The following VWF variants were observed in gnomAD, a reference collection of about 807,000 sequenced individuals.
The protein encoded by VWF is Factor VIII related antigen.
A neutral mutation model predicts 308.6 loss-of-function variants in VWF; 176 were observed. The observed-to-expected ratio is 0.57, with a 90% CI of 0.50 to 0.65. VWF has a LOEUF of 0.65. Ranked by LOEUF, VWF falls within the 30% of genes least tolerant of loss-of-function variation. VWF has a pLI of 0.00. For synonymous variants in VWF, 1,385 were observed against 1,443.4 expected (o/e 0.96, Z 0.92); for missense variants, 3,146 against 3,648.2 (o/e 0.86, Z 3.55).
At chr12:6,043,694 T>C (rs1182771167) in intron 18 of VWF, among the ~76,000 whole-genome samples, 1 of 152,194 alleles carries the variant, frequency 6.6e-6, no homozygotes, top group Non-Finnish European at 1.5e-5. Flanking sequence ...AGCACGGCCT[T>C]GGATGCACGG....
chr12:6,058,819 A>G lies in VWF; in HGVS notation c.1534-775T>C, dbSNP rs1369561950. Reference sequence around the variant, plus strand: ...AGAACTGAACAAAGTTCTGAGCCCAAAGTGCACATTCGGGAACAACCAGCA... The same window carrying G: ...AGAACTGAACAAAGTTCTGAGCCCAGAGTGCACATTCGGGAACAACCAGCA... On this transcript the variant is annotated intron_variant, in intron 13 of 51. Transcript: ENST00000261405. The surrounding 1 kb of genome is among the most constrained non-coding windows in gnomAD (Gnocchi z 4.9). 1.3e-5 allele frequency among the ~76,000 whole-genome samples: 2 copies of G among 152,124 alleles called. No individual in the cohort carries two copies. Among genetic ancestry groups the G allele is most frequent in the African/African-American group, 4.8e-5 (2 of 41,426 alleles).
intron 5 of VWF, among the ~76,000 whole-genome samples, chr12:6,104,369 A>T (rs1945216092): frequency 1.3e-5 from 2 of 151,354 alleles, no homozygotes; most frequent in African/African-American, 4.9e-5. Flanking sequence ...CAGTATGCAG[A>T]TTTTTCAAAG....
In VWF at chr12:6,075,865, G is replaced by A. The variant is rs181748941; in HGVS notation, c.658-314C>T. 7.9e-5 allele frequency among the ~76,000 whole-genome samples: 12 copies of A among 152,322 alleles called. No individual in the cohort carries two copies. Among genetic ancestry groups the A allele is most frequent in the African/African-American group, 2.2e-4 (9 of 41,562 alleles). ...CAGAGGATGGAGAGAAGCACAAAGAGCATGCGCCCTGGAGTTGGCCTGGGT... is the reference window on the plus strand; with the variant it reads ...CAGAGGATGGAGAGAAGCACAAAGAACATGCGCCCTGGAGTTGGCCTGGGT... On this transcript the variant is annotated intron_variant, in intron 6 of 51. Coordinates refer to ENST00000261405, the MANE Select transcript of VWF (RefSeq NM_000552.5). This position sits in a 1 kb window ranked among gnomAD's most constrained non-coding sequence, Gnocchi z 4.7.
At chr12:5,961,994 G>C (rs1227796210) in intron 47 of VWF, among the ~76,000 whole-genome samples, 1 of 151,982 alleles carries the variant, frequency 6.6e-6, no homozygotes, top group Non-Finnish European at 1.5e-5. Flanking sequence ...GAATGCCCTA[G>C]TGCCTTTTGC....
chr12:6,056,879 C>T lies in VWF; in HGVS notation c.1923G>A (p.Ala641=), dbSNP rs1316907741. Residue 641 remains alanine, a synonymous_variant, in exon 15 of 52, where the codon GCG becomes GCA. Transcript: ENST00000261405. ...CACCACAGCGGCCTGGCTCGCGCCA[C>T]GCGACGCGCACGCCTCTCCCCGCGC... ...AACAGRGVRV[A]WREPGRCELN... 1.9e-5 allele frequency: 28 copies of T among 1,481,638 alleles called. No individual in the cohort carries two copies. Among genetic ancestry groups the T allele is most frequent in the Non-Finnish European group, 2.0e-5 (22 of 1,125,434 alleles). 91.8% of individuals were successfully genotyped at this position (1,481,638 alleles called of 1,614,324 possible). A position where few individuals can be genotyped will look rare whatever the true frequency, so the allele number is the denominator to read the frequency against.
chr12:6,015,346 G>C (rs190045889), intron 31 of VWF, among the ~76,000 whole-genome samples: 76 of 152,282 alleles, frequency 5.0e-4, no homozygotes, highest in African/African-American at 1.8e-3. Context: ...ATGTGACATA[G>C]AGAACGGAGC....
intron 18 of VWF, among the ~76,000 whole-genome samples, chr12:6,043,202 G>T (rs1463797017): frequency 3.3e-5 from 5 of 152,214 alleles, no homozygotes; most frequent in Non-Finnish European, 5.9e-5. Context: ...ACAAGAGTTG[G>T]TCTCTCTGTT....
chr12:6,063,522 C>A lies in VWF; in HGVS notation c.1433-468G>T, dbSNP rs1944679860. On this transcript the variant is annotated intron_variant, in intron 12 of 51. Transcript: ENST00000261405. The surrounding 1 kb of genome is among the most constrained non-coding windows in gnomAD (Gnocchi z 4.9). ...GAAGGTGGCGACAGATAGGAGCACA[C>A]CCCTTGCCCTGGGGGAACAAACATA... Among the ~76,000 whole-genome samples, 1 of 152,134 alleles carries A rather than the reference C, an allele frequency of 6.6e-6. No individual in the cohort carries two copies. Among genetic ancestry groups the A allele is most frequent in the African/African-American group, 2.4e-5 (1 of 41,398 alleles).
intron 34 of VWF, among the ~76,000 whole-genome samples, chr12:6,004,922 T>C (rs1302427870): frequency 6.6e-6 from 1 of 152,086 alleles, no homozygotes; most frequent in Non-Finnish European, 1.5e-5. Flanking sequence ...GACAGACAAG[T>C]CAGCTTGAAT....
intron 34 of VWF, among the ~76,000 whole-genome samples, chr12:6,004,592 A>G (rs1485868204): frequency 6.6e-6 from 1 of 152,086 alleles, no homozygotes; most frequent in Admixed American, 6.6e-5. Flanking sequence ...AAACAATTCT[A>G]TTTGCAAATG....
intron 50 of VWF, among the ~76,000 whole-genome samples, chr12:5,950,660 A>AT (rs1422615554): frequency 2.7e-5 from 4 of 145,910 alleles, no homozygotes; most frequent in African/African-American, 9.8e-5. Context: ...AAGAGGATGA[A>AT]TTAAAAAAAA....
chr12:5,976,323 AC>A, intron 42 of VWF, 63 bp from the exon 43 acceptor site: 1 of 1,607,414 alleles, frequency 6.2e-7, no homozygotes, highest in Non-Finnish European at 8.5e-7. Context: ...GTGAGTTAGC[AC>A]CTACTACACA....
At chr12:6,092,618 AGTGTGTGTGTGTGTGT>A (rs752209524) in intron 6 of VWF, among the ~76,000 whole-genome samples, 715 of 66,198 alleles carry the variant, frequency 0.011, 17 homozygotes, top group Middle Eastern at 0.053. Context: ...AGTGAGTGAG[AGTGTGTGTGTGTGTGT>A]GTGTGTGTGT....
intron 40 of VWF, among the ~76,000 whole-genome samples, chr12:5,983,794 G>GAGAGAGATAGATAGATAGATAGATAGAT (rs1943640371): frequency 6.7e-6 from 1 of 148,656 alleles, no homozygotes; most frequent in Admixed American, 6.7e-5. Context: ...AGATACAATA[G>GAGAGAGATAGATAGATAGATAGATAGAT]AGATAGATAG....
At chr12:6,031,372 C>T in intron 21 of VWF, 72 bp downstream of exon 21, 1 of 1,613,566 alleles carries the variant, frequency 6.2e-7, no homozygotes, top group East Asian at 2.2e-5. Flanking sequence ...TAAATGAATG[C>T]TTGGAAAATG....
rs192545797 is a variant in VWF at position 6,039,397 on chromosome 12, C to T, written c.2443-2906G>A. Among the ~76,000 whole-genome samples, 8 of 152,312 alleles carry T rather than the reference C, an allele frequency of 5.3e-5. No individual in the cohort carries two copies. In the East Asian group the frequency reaches 1.3e-3, roughly 26 times the overall value. Reference sequence around the variant, plus strand: ...TCCCCAACTCTCCATACATGAACACCATCGTGACCCACTCTCCAGAATCTT... The same window carrying T: ...TCCCCAACTCTCCATACATGAACACTATCGTGACCCACTCTCCAGAATCTT... On this transcript the variant is annotated intron_variant, in intron 18 of 51. Coordinates refer to ENST00000261405, the MANE Select transcript of VWF (RefSeq NM_000552.5).
In VWF at chr12:6,095,501, G is replaced by A; in HGVS notation, c.616C>T (p.Pro206Ser). The change falls in exon 6 of 52, where the codon CCC becomes TCC. Residue 206 changes from proline to serine, a missense_variant. Physicochemically the swap from Pro to Ser is moderately conservative, Grantham distance 74. Transcript: ENST00000261405. ...GEQWCERASPPSSSCNISSGE... is the reference protein window; with the variant it reads ...GEQWCERASPSSSSCNISSGE... ...GAGGAGATGTTGCATGAGCTGCTGG[G>A]AGGAGATGCCCGTTCACACCACTGT... The A allele has an allele frequency of 1.2e-6, 2 of 1,614,122 alleles. No homozygotes were observed. The highest frequency in any genetic ancestry group is 1.7e-6 in the Non-Finnish European group (2 of 1,180,024).
chr12:6,034,025 G>T (rs555798070), intron 20 of VWF, among the ~76,000 whole-genome samples: 4 of 152,350 alleles, frequency 2.6e-5, no homozygotes, highest in Admixed American at 2.0e-4. Flanking sequence ...CACGCAGTGG[G>T]GAGTGGGAGG....
chr12:5,997,192 G>C (rs575176737), intron 34 of VWF, among the ~76,000 whole-genome samples: 1 of 152,290 alleles, frequency 6.6e-6, no homozygotes, highest in East Asian at 1.9e-4. Flanking sequence ...AGCCTCCCCA[G>C]AAGTTCTACT....
Sources: allele counts gnomAD v4.1 joint callset (sites outside exome capture counted in the v4.1 genomes callset), GRCh38; gene constraint gnomAD v4.1.1; non-coding constraint Gnocchi (gnomAD v3.1); transcripts MANE v1.5; gene names NCBI Gene and HGNC (gene_info 2026-07-23, HGNC 2026-07-21).